Variants in GRK2 observed in about 807,000 individuals in gnomAD.
The protein encoded by GRK2 is adrenergic beta receptor kinase 1.
Under a neutral mutation model 97.8 loss-of-function variants are expected in GRK2, and 23 were observed. The observed-to-expected ratio is 0.24, with a 90% confidence interval of 0.17 to 0.33. The LOEUF (loss-of-function observed/expected upper bound fraction) is 0.33. GRK2 is among the 10% of genes least tolerant of loss of function. The pLI is 1.00. For missense variants in GRK2, 633 were observed against 956.9 expected (o/e 0.66, Z 4.47); for synonymous variants, 425 against 381.7 (o/e 1.11, Z -1.32).
At chr11:67,277,062 GAC>G (rs953713610) in intron 1 of GRK2, 15 of 478,630 alleles carry the variant, frequency 3.1e-5, no homozygotes, top group African/African-American at 2.0e-4. Context: ...GGCCTTTGAG[GAC>G]ACAGCCTGGC....
In GRK2 at chr11:67,285,316, G is replaced by T. The variant is rs770109747; in HGVS notation, c.1936G>T (p.Glu646Ter). ...SDPELVQWKKELRDAYREAQQ... is the reference protein window; with the variant it reads ...SDPELVQWKK ...CCCTGAGCTGGTGCAGTGGAAGAAG[G>T]AGCTGCGCGACGCCTACCGCGAGGC... Residue 646 changes from glutamate (E) to a stop codon, truncating the protein, a stop_gained, in exon 21 of 21, where the codon GAG (glutamate) becomes TAG (stop). Transcript: ENST00000308595. LOFTEE classifies it high-confidence loss of function. 6.2e-7 allele frequency: 1 copy of T among 1,609,844 alleles called. No individual in the cohort carries two copies.
chr11:67,273,877 G>A (rs1443755837), intron 1 of GRK2, among the ~76,000 whole-genome samples: 1 of 152,118 alleles, frequency 6.6e-6, no homozygotes, highest in African/African-American at 2.4e-5. Flanking sequence ...GGCCTGCCCG[G>A]CAGGTTCCCC....
Position 67,281,376 on chromosome 11 carries a change from A to C in GRK2, c.648-83A>C. 1 of 1,328,320 alleles carries C rather than the reference A, an allele frequency of 7.5e-7. No homozygotes were observed. The highest frequency in any genetic ancestry group is 1.1e-6 in the Non-Finnish European group (1 of 931,424). 82.3% of individuals were successfully genotyped at this position (1,328,320 alleles called of 1,614,324 possible). On this transcript the variant is annotated intron_variant, in intron 8 of 20. Transcript: ENST00000308595. This position sits in a 1 kb window ranked among gnomAD's most constrained non-coding sequence, Gnocchi z 5.7. ...TGTGTCACACGCTGGTCCTGGGTCT[A>C]GTCTTTCCCTCAAGCGCCCCCTGAG...
intron 1 of GRK2, among the ~76,000 whole-genome samples, chr11:67,272,679 G>T (rs1241438004): frequency 6.6e-6 from 1 of 152,250 alleles, no homozygotes; most frequent in Non-Finnish European, 1.5e-5. Flanking sequence ...TGCCAAGGTG[G>T]GACTGACTGC....
rs1859807200 is a variant in GRK2, at chr11:67,266,681, A to T, written c.-19A>T. On this transcript the variant is annotated 5_prime_UTR_variant, in exon 1 of 21. Coordinates refer to ENST00000308595, the MANE Select transcript of GRK2 (RefSeq NM_001619.5). The stretch of plus-strand genomic sequence containing the variant: ...CGGCGGCGGCGGCGGCGGCGGGAGG[A>T]GGCAGCGCCGCCGCCAAGATGGCGG... The T allele has an allele frequency of 9.0e-7, 1 of 1,105,300 alleles. No homozygotes were observed. Among genetic ancestry groups the T allele is most frequent in the Non-Finnish European group, 1.1e-6 (1 of 890,670 alleles). The allele number at this position is 1,105,300 out of a possible 1,614,324, so 68.5% of individuals were successfully genotyped here.
At chr11:67,272,678 G>A (rs1310510153) in intron 1 of GRK2, among the ~76,000 whole-genome samples, 3 of 152,224 alleles carry the variant, frequency 2.0e-5, no homozygotes, top group Non-Finnish European at 4.4e-5. Context: ...GTGCCAAGGT[G>A]GGACTGACTG....
At chr11:67,274,263 G>A (rs572580736) in intron 1 of GRK2, among the ~76,000 whole-genome samples, 337 of 151,808 alleles carry the variant, frequency 2.2e-3, no homozygotes, top group Middle Eastern at 6.8e-3. Context: ...CGCCCGCCTC[G>A]GCCTCCCAAA....
rs145638181 is a variant in GRK2 at position 67,281,535 on chromosome 11, A to T, written c.724A>T (p.Met242Leu). The T allele has an allele frequency of 6.2e-7, 1 of 1,613,514 alleles. No individual in the cohort carries two copies. Among genetic ancestry groups the T allele is most frequent in the South Asian group, 1.1e-5 (1 of 91,090 alleles). Residue 242 changes from methionine (M) to leucine (L), a missense_variant, in exon 9 of 21, where the codon ATG (methionine) becomes TTG (leucine). Met to Leu is a conservative substitution (Grantham distance 15). Coordinates refer to ENST00000308595, the MANE Select transcript of GRK2 (RefSeq NM_001619.5). This position sits in a 1 kb window ranked among gnomAD's most constrained non-coding sequence, Gnocchi z 5.7. ...GACCCTGGCCCTGAACGAGCGCATCATGCTCTCGCTCGTCAGCACTGGGGT... is the reference window on the plus strand; with the variant it reads ...GACCCTGGCCCTGAACGAGCGCATCTTGCTCTCGCTCGTCAGCACTGGGGT... ...GETLALNERI[M>L]LSLVSTGDCP...
Position 67,274,940 on chromosome 11 carries a change from T to C in GRK2, c.114-2332T>C, listed in dbSNP as rs1859997980. Reference sequence around the variant, plus strand: ...CATCCTCACTCCCCGGTGGGGGGCATGGGCCCCCCTCTTCCCATCCAGGCA... The same window carrying C: ...CATCCTCACTCCCCGGTGGGGGGCACGGGCCCCCCTCTTCCCATCCAGGCA... On this transcript the variant is annotated intron_variant, in intron 1 of 20. Coordinates refer to ENST00000308595, the MANE Select transcript of GRK2 (RefSeq NM_001619.5). 2.6e-5 allele frequency among the ~76,000 whole-genome samples: 4 copies of C among 152,170 alleles called. No individual in the cohort carries two copies. In the South Asian group the frequency reaches 8.3e-4, roughly 32 times the overall value.
rs1860151399 is a variant in GRK2, at chr11:67,281,553, A to G, written c.742A>G (p.Thr248Ala). Reference protein sequence around the residue: ...NERIMLSLVSTGDCPFIVCMS... With the variant: ...NERIMLSLVSAGDCPFIVCMS... ...GCGCATCATGCTCTCGCTCGTCAGC[A>G]CTGGGGTGAGCTGGGTGGGCCGGGC... The change falls in exon 9 of 21, where the codon ACT becomes GCT. Residue 248 changes from threonine (T) to alanine (A), a missense_variant. Physicochemically the swap from Thr to Ala is moderately conservative, Grantham distance 58 (BLOSUM62 0). This residue lies in a region of GRK2 where 192 missense variants were observed against 362.3 expected (regional missense o/e 0.53). Transcript: ENST00000308595. This position sits in a 1 kb window ranked among gnomAD's most constrained non-coding sequence, Gnocchi z 5.7. 1 of 1,613,394 alleles carries G rather than the reference A, an allele frequency of 6.2e-7. No homozygotes were observed. Among genetic ancestry groups the G allele is most frequent in the Non-Finnish European group, 8.5e-7 (1 of 1,179,894 alleles).
chr11:67,268,800 C>T (rs1187706864), intron 1 of GRK2, among the ~76,000 whole-genome samples: 3 of 152,216 alleles, frequency 2.0e-5, no homozygotes, highest in Non-Finnish European at 2.9e-5. Context: ...TCTGTCATCT[C>T]AGTTCTTCCA....
intron 16 of GRK2, 39 bp downstream of exon 16, chr11:67,283,812 C>A: frequency 1.2e-6 from 2 of 1,611,020 alleles, no homozygotes; most frequent in South Asian, 2.2e-5. Context: ...GCTCTGCAGC[C>A]CCACCCCCGA....
At chr11:67,284,480 T>C in intron 18 of GRK2, 107 bp downstream of exon 18, 1 of 1,347,070 alleles carries the variant, frequency 7.4e-7, no homozygotes, top group Non-Finnish European at 1.0e-6. Context: ...AAGTGGCGGC[T>C]CTGGGATTCA....
At position 67,281,876 on chromosome 11, in the gene GRK2, T is replaced by C. The variant is rs756869266; in HGVS notation, c.881T>C (p.Met294Thr). ...CACGGGGTCTTCTCAGAGGCTGACATGCGCTTCTATGCGGCCGAGATCATC... is the reference window on the plus strand; with the variant it reads ...CACGGGGTCTTCTCAGAGGCTGACACGCGCTTCTATGCGGCCGAGATCATC... The part of the protein sequence containing the change: ...SQHGVFSEAD[M>T]RFYAAEIILG... The change falls in exon 11 of 21, where the codon ATG (methionine) becomes ACG (threonine). Residue 294 changes from methionine (M) to threonine (T), a missense_variant. Coordinates refer to ENST00000308595, the MANE Select transcript of GRK2 (RefSeq NM_001619.5). The surrounding 1 kb of genome is among the most constrained non-coding windows in gnomAD (Gnocchi z 5.7). 2 of 1,613,574 alleles carry C rather than the reference T, an allele frequency of 1.2e-6. No homozygotes were observed. The highest frequency in any genetic ancestry group is 1.1e-5 in the South Asian group (1 of 91,080).
Position 67,277,515 on chromosome 11 carries a change from C to T in GRK2, c.190+167C>T, listed in dbSNP as rs374502189. Among the ~76,000 whole-genome samples, 115 of 152,382 alleles carry T rather than the reference C, an allele frequency of 7.5e-4. 1 individual carries two copies. In the South Asian group the frequency reaches 9.3e-3, roughly 12 times the overall value. On this transcript the variant is annotated intron_variant, in intron 2 of 20. Transcript: ENST00000308595. ...CTCCAAGTCGCTGCGACCCTGCGTG[C>T]CTCCTTGCCCCTGGCTGTCGGCCCA...
At position 67,282,053 on chromosome 11, in the gene GRK2, A is replaced by T. The variant is rs1860164252; in HGVS notation, c.957+101A>T. On this transcript the variant is annotated intron_variant, in intron 11 of 20. Transcript: ENST00000308595. The surrounding 1 kb of genome is among the most constrained non-coding windows in gnomAD (Gnocchi z 6.9). ...CCCAGAGGAGTGGGGCTCCTGGGACATGGCCGCCCCGTATCTTCCCATCTC... is the reference window on the plus strand; with the variant it reads ...CCCAGAGGAGTGGGGCTCCTGGGACTTGGCCGCCCCGTATCTTCCCATCTC... The T allele has an allele frequency of 6.7e-7, 1 of 1,493,298 alleles. No individual in the cohort carries two copies. 92.5% of individuals were successfully genotyped at this position (1,493,298 alleles called of 1,614,324 possible).
chr11:67,282,885 A>ACTC lies in GRK2; in HGVS notation c.1227+68_1227+70dup. ...GAGCTCCTGTGGGTGCCAGGCCATG[A>ACTC]CTCTTGCTTCCCACCAGCCAGCAGA... On this transcript the variant is annotated intron_variant, in intron 14 of 20. Transcript: ENST00000308595. The surrounding 1 kb of genome is among the most constrained non-coding windows in gnomAD (Gnocchi z 6.9). The ACTC allele has an allele frequency of 6.6e-7, 1 of 1,511,094 alleles. No individual in the cohort carries two copies. The highest frequency in any genetic ancestry group is 1.4e-5 in the African/African-American group (1 of 72,874). The allele number at this position is 1,511,094 out of a possible 1,614,324, so 93.6% of individuals were successfully genotyped here.
rs772641533 is a variant in GRK2 at position 67,279,390 on chromosome 11, G to A, written c.265-28G>A. The A allele has an allele frequency of 2.5e-6, 4 of 1,611,510 alleles. No homozygotes were observed. In the Admixed American group the frequency reaches 6.7e-5, roughly 27 times the overall value. The stretch of plus-strand genomic sequence containing the variant: ...CATCCCCATTCCCTGCTGGGCTCTA[G>A]ATGACCTGCAGGAATCCTGTCCTCC... On this transcript the variant is annotated intron_variant, in intron 3 of 20. Coordinates refer to ENST00000308595, the MANE Select transcript of GRK2 (RefSeq NM_001619.5).
Position 67,269,961 on chromosome 11 carries a change from C to G in GRK2, c.113+3149C>G, listed in dbSNP as rs1002563400. Among the ~76,000 whole-genome samples, 2 of 152,208 alleles carry G rather than the reference C, an allele frequency of 1.3e-5. No homozygotes were observed. Among genetic ancestry groups the G allele is most frequent in the South Asian group, 4.1e-4 (2 of 4,836 alleles). ...GGAAACAGTCCCTTTCCCCGACCTT[C>G]TTGTAGAAGGAGGTAGCGTAAGGCA... On this transcript the variant is annotated intron_variant, in intron 1 of 20. Coordinates refer to ENST00000308595, the MANE Select transcript of GRK2 (RefSeq NM_001619.5). The surrounding 1 kb of genome is among the most constrained non-coding windows in gnomAD (Gnocchi z 4.1).
Sources: gnomAD v4.1 joint callset for allele counts (sites outside exome capture counted in the v4.1 genomes callset) on GRCh38, gnomAD v4.1.1 for gene constraint, gnomAD v4.1.1 regional missense constraint, Gnocchi (gnomAD v3.1) non-coding constraint, MANE v1.5 for transcripts, NCBI Gene and HGNC (gene_info 2026-07-23, HGNC 2026-07-21) for gene names.